The following NFAT5 variants were observed in gnomAD, a reference collection of about 807,000 sequenced individuals.
NFAT5 encodes nuclear factor of activated T-cells 5.
NFAT5 carries 31 observed loss-of-function variants against 166.5 expected under a neutral mutation model. That is an observed-to-expected ratio of 0.19 (90% CI 0.14 to 0.25). The LOEUF is 0.25. Ranked by LOEUF, NFAT5 falls within the 10% of genes least tolerant of loss-of-function variation. The probability of loss-of-function intolerance (pLI) is 1.00; values close to 1 mark genes in which losing one functional copy is unlikely to be tolerated. For synonymous variants in NFAT5, 612 were observed against 639.7 expected, an observed-to-expected ratio of 0.96 and a Z score of 0.65; for missense variants, 1,449 against 1,821.8, an observed-to-expected ratio of 0.80 and a Z score of 3.72.
intron 7 of NFAT5, among the ~76,000 whole-genome samples, chr16:69,664,880 A>G (rs562200503): frequency 6.6e-6 from 1 of 151,992 alleles, no homozygotes; most frequent in East Asian, 1.9e-4. Context: ...ATACAAAGTT[A>G]GCCGGGCTTG....
intron 4 of NFAT5, among the ~76,000 whole-genome samples, 199 bp from the exon 5 acceptor site, chr16:69,653,037 G>A (rs957052962): frequency 2.6e-5 from 4 of 151,982 alleles, no homozygotes; most frequent in African/African-American, 7.3e-5. Context: ...GCATCATATA[G>A]TAAACTTTTT....
chr16:69,691,501 A>G (rs2037543320), intron 12 of NFAT5, among the ~76,000 whole-genome samples: 1 of 152,218 alleles, frequency 6.6e-6, no homozygotes, highest in Non-Finnish European at 1.5e-5. Flanking sequence ...AAGCATATCA[A>G]TAGCCGATTA....
At chr16:69,577,398 A>T (rs2016820382) in intron 2 of NFAT5, among the ~76,000 whole-genome samples, 1 of 152,226 alleles carries the variant, frequency 6.6e-6, no homozygotes. Context: ...TTGCACATAT[A>T]CATGAAAAAT....
chr16:69,579,286 A>T (rs2031511760), intron 2 of NFAT5, among the ~76,000 whole-genome samples: 1 of 152,166 alleles, frequency 6.6e-6, no homozygotes, highest in South Asian at 2.1e-4. Flanking sequence ...GGGTGAATGG[A>T]TGGGAAAATA....
At chr16:69,691,659 T>A in intron 12 of NFAT5, 90 bp from the exon 13 acceptor site, 1 of 1,013,448 alleles carries the variant, frequency 9.9e-7, no homozygotes, top group East Asian at 2.5e-5. Context: ...GTCCTGCATA[T>A]ATTTTTAGAG....
At chr16:69,681,446 A>G (rs1197270436) in intron 10 of NFAT5, among the ~76,000 whole-genome samples, 1 of 152,226 alleles carries the variant, frequency 6.6e-6, no homozygotes, top group Admixed American at 6.5e-5. Context: ...AGAATTTTCA[A>G]ACTGCTTTGA....
rs1194679215 is a variant in NFAT5, at chr16:69,653,320, G to A, written c.897G>A (p.Glu299=). The change falls in exon 5 of 15, where the codon GAG becomes GAA. Residue 299 remains glutamate, a synonymous_variant. Coordinates refer to ENST00000349945, the MANE Select transcript of NFAT5 (RefSeq NM_138713.4). Reference sequence around the variant, plus strand: ...ATCCTGTTAAAAGTGAGGGAAAGGAGCTGAAGATAGTTGTACAACCTGAGA... The same window carrying A: ...ATCCTGTTAAAAGTGAGGGAAAGGAACTGAAGATAGTTGTACAACCTGAGA... ...GQYPVKSEGK[E]LKIVVQPETQ... is the part of the protein sequence containing the mutation. 6.2e-7 allele frequency: 1 copy of A among 1,612,942 alleles called. No individual in the cohort carries two copies. Among genetic ancestry groups the A allele is most frequent in the African/African-American group, 1.3e-5 (1 of 74,942 alleles).
chr16:69,682,869 G>A (rs1008724342), intron 10 of NFAT5, among the ~76,000 whole-genome samples: 1 of 151,774 alleles, frequency 6.6e-6, no homozygotes. Context: ...CTTTATTTTT[G>A]TTATAACTAT....
intron 2 of NFAT5, among the ~76,000 whole-genome samples, chr16:69,622,769 A>T (rs2034256909): frequency 1.3e-5 from 2 of 151,810 alleles, no homozygotes; most frequent in Admixed American, 6.6e-5. Flanking sequence ...TCATAAATGC[A>T]TTTGGGTAGA....
intron 3 of NFAT5, among the ~76,000 whole-genome samples, chr16:69,629,069 C>T (rs112946011): frequency 1.2e-4 from 18 of 152,066 alleles, no homozygotes; most frequent in African/African-American, 4.3e-4. Flanking sequence ...AGTGAAACTC[C>T]GTCTCAAAAA....
intron 3 of NFAT5, among the ~76,000 whole-genome samples, chr16:69,634,576 T>C (rs2034871984): frequency 6.6e-6 from 1 of 152,174 alleles, no homozygotes; most frequent in African/African-American, 2.4e-5. Flanking sequence ...CCCACTCAGG[T>C]AGAATTTATT....
At chr16:69,575,460 G>A (rs916376225) in intron 2 of NFAT5, among the ~76,000 whole-genome samples, 1 of 152,070 alleles carries the variant, frequency 6.6e-6, no homozygotes, top group African/African-American at 2.4e-5. Flanking sequence ...GAGCCATTGG[G>A]CCTGGCTGAT....
At chr16:69,688,173 C>T (rs941691106) in intron 11 of NFAT5, among the ~76,000 whole-genome samples, 8 of 135,528 alleles carry the variant, frequency 5.9e-5, no homozygotes, top group East Asian at 2.5e-4. Flanking sequence ...TCCGCAGTCC[C>T]GCCTGGGCGA....
At chr16:69,662,502 G>A (rs993046475) in intron 7 of NFAT5, among the ~76,000 whole-genome samples, 3 of 138,988 alleles carry the variant, frequency 2.2e-5, no homozygotes, top group African/African-American at 8.4e-5. Context: ...TGTTGCCCAG[G>A]CTGAAGTGCA....
Position 69,655,671 on chromosome 16 carries a change from G to A in NFAT5, c.1068G>A (p.Val356=), listed in dbSNP as rs747531388. The A allele has an allele frequency of 4.3e-6, 7 of 1,613,514 alleles. 1 individual carries two copies. The highest frequency in any genetic ancestry group is 3.3e-5 in the Admixed American group (2 of 60,000). Residue 356 remains valine, a synonymous_variant, in exon 6 of 15, where the codon GTG becomes GTA. Coordinates refer to ENST00000349945, the MANE Select transcript of NFAT5 (RefSeq NM_138713.4). Reference sequence around the variant, plus strand: ...TTGTGGGCAACGACTCTGGACGAGTGAAACCACATGGATTTTATCAGGCCT... The same window carrying A: ...TTGTGGGCAACGACTCTGGACGAGTAAAACCACATGGATTTTATCAGGCCT... ...QVFVGNDSGR[V]KPHGFYQACR...
chr16:69,700,398 A>G lies in NFAT5; in HGVS notation c.*4047A>G, dbSNP rs1238345812. 2 of 152,178 alleles carry G rather than the reference A, an allele frequency of 1.3e-5. No homozygotes were observed. Among genetic ancestry groups the G allele is most frequent in the African/African-American group, 4.8e-5 (2 of 41,444 alleles). 9.4% of individuals were successfully genotyped at this position (152,178 alleles called of 1,614,324 possible). Reference sequence around the variant, plus strand: ...AGAACTAAGATAATTCTTTTTGACCATTTAAGCCTTTATAAATGCGTTTTG... The same window carrying G: ...AGAACTAAGATAATTCTTTTTGACCGTTTAAGCCTTTATAAATGCGTTTTG... On this transcript the variant is annotated 3_prime_UTR_variant, in exon 15 of 15. Transcript: ENST00000349945.
intron 2 of NFAT5, among the ~76,000 whole-genome samples, chr16:69,574,151 G>A (rs942212249): frequency 3.9e-5 from 6 of 151,972 alleles, no homozygotes; most frequent in South Asian, 2.1e-4. Flanking sequence ...GATTACAGGC[G>A]TGAGCCACTG....
rs565010574 is a variant in NFAT5 at position 69,629,695 on chromosome 16, A to G, written c.253+3167A>G. Among the ~76,000 whole-genome samples the G allele has an allele frequency of 2.1e-4, 32 of 151,284 alleles. 1 individual carries two copies. Among genetic ancestry groups the G allele is most frequent in the Middle Eastern group, 3.5e-3 (1 of 284 alleles). ...CGAGGTGCGATCATAGCTCACTGCAACCTTCAACTACTGGGCTCAAGTGAT... is the reference window on the plus strand; with the variant it reads ...CGAGGTGCGATCATAGCTCACTGCAGCCTTCAACTACTGGGCTCAAGTGAT... On this transcript the variant is annotated intron_variant, in intron 3 of 14. Transcript: ENST00000349945.
chr16:69,647,521 A>G lies in NFAT5; in HGVS notation c.747A>G (p.Lys249=). Residue 249 remains lysine (K), a synonymous_variant, in exon 4 of 15, where the codon AAA becomes AAG. Transcript: ENST00000349945. This position sits in a 1 kb window ranked among gnomAD's most constrained non-coding sequence, Gnocchi z 4.8. ...ATATATTTGATGCCGACAGTGCCAA[A>G]GCACCTCACTATGTGCTTTCTCAGC... is the stretch of plus-strand genomic sequence containing the variant. The part of the protein sequence containing the change: ...NMDIFDADSA[K]APHYVLSQLT... 3 of 1,606,884 alleles carry G rather than the reference A, an allele frequency of 1.9e-6. No individual in the cohort carries two copies. Among genetic ancestry groups the G allele is most frequent in the Non-Finnish European group, 2.5e-6 (3 of 1,179,770 alleles).
Sources: gnomAD v4.1 joint callset for allele counts (sites outside exome capture counted in the v4.1 genomes callset) on GRCh38, gnomAD v4.1.1 for gene constraint, Gnocchi (gnomAD v3.1) non-coding constraint, MANE v1.5 for transcripts, NCBI Gene and HGNC (gene_info 2026-07-23, HGNC 2026-07-21) for gene names.